The following PALM2AKAP2 variants were observed in gnomAD, a reference collection of about 807,000 sequenced individuals.
PALM2AKAP2 encodes the protein PALM2-AKAP2 fusion protein.
Under a neutral mutation model 71.5 loss-of-function variants are expected in PALM2AKAP2, and 37 were observed. That is an observed-to-expected ratio of 0.52 (90% CI 0.40 to 0.68). The LOEUF (loss-of-function observed/expected upper bound fraction) is 0.68. PALM2AKAP2 is among the 30% of genes least tolerant of loss of function. PALM2AKAP2 has a pLI of 0.00. For missense variants in PALM2AKAP2, 1,224 were observed against 1,191.8 expected, an observed-to-expected ratio of 1.03 and a Z score of -0.40; for synonymous variants, 468 against 478.8, an observed-to-expected ratio of 0.98 and a Z score of 0.29.
intron 1 of PALM2AKAP2, among the ~76,000 whole-genome samples, chr9:109,648,352 C>A (rs1325394544): frequency 7.9e-5 from 12 of 152,152 alleles, no homozygotes; most frequent in Admixed American, 7.9e-4. Flanking sequence ...GAACATAATT[C>A]TCTTAATTCA....
At chr9:110,093,018 C>T (rs1465972700) in intron 1 of PALM2AKAP2, among the ~76,000 whole-genome samples, 1 of 151,970 alleles carries the variant, frequency 6.6e-6, no homozygotes, top group African/African-American at 2.4e-5. Flanking sequence ...AGTGAGAGCT[C>T]CCCCTAGACC....
intron 3 of PALM2AKAP2, among the ~76,000 whole-genome samples, chr9:110,157,614 GTTC>G (rs1836491627): frequency 6.6e-6 from 1 of 152,084 alleles, no homozygotes; most frequent in Admixed American, 6.6e-5. Flanking sequence ...TGCTCAGACT[GTTC>G]TTCAACTCCT....
chr9:110,162,040 T>C, intron 3 of PALM2AKAP2, 54 bp from the exon 10 acceptor site: 1 of 1,601,524 alleles, frequency 6.2e-7, no homozygotes, highest in East Asian at 2.2e-5. Context: ...TAGGGGGTGT[T>C]CTGTAAGTGT....
intron 3 of PALM2AKAP2, among the ~76,000 whole-genome samples, chr9:110,158,271 T>G (rs1836508360): frequency 6.6e-6 from 1 of 152,242 alleles, no homozygotes; most frequent in Admixed American, 6.5e-5. Flanking sequence ...AGGTGTCTGG[T>G]TTCTTTTCTC....
chr9:110,022,688 A>G (rs1348305627), intron 7 of PALM2AKAP2, among the ~76,000 whole-genome samples: 1 of 151,750 alleles, frequency 6.6e-6, no homozygotes, highest in Non-Finnish European at 1.5e-5. Flanking sequence ...TTAACTTGTC[A>G]TTTAGCATTA....
At chr9:110,023,394 A>AACCTCT (rs1188441255) in intron 7 of PALM2AKAP2, among the ~76,000 whole-genome samples, 2 of 138,216 alleles carry the variant, frequency 1.4e-5, no homozygotes, top group African/African-American at 5.5e-5. Context: ...AGCTCACCAC[A>AACCTCT]ACCTCTACCT....
intron 1 of PALM2AKAP2, among the ~76,000 whole-genome samples, chr9:109,785,321 G>GTATATGCTAC (rs1826932030): frequency 6.6e-6 from 1 of 152,166 alleles, no homozygotes; most frequent in South Asian, 2.1e-4. Context: ...TGAAAACCTT[G>GTATATGCTAC]TATATGCTAC....
At chr9:109,898,068 C>G (rs995900511) in intron 3 of PALM2AKAP2, among the ~76,000 whole-genome samples, 3 of 152,122 alleles carry the variant, frequency 2.0e-5, no homozygotes, top group Admixed American at 2.0e-4. Context: ...CTTAACTGCT[C>G]TATGAAATCT....
intron 6 of PALM2AKAP2, among the ~76,000 whole-genome samples, chr9:109,985,898 C>T (rs1832368613): frequency 6.6e-6 from 1 of 152,128 alleles, no homozygotes; most frequent in South Asian, 2.1e-4. Flanking sequence ...GATCCCCCCA[C>T]CTTGGCCTCC....
At chr9:110,053,056 C>T (rs1833743603) in intron 1 of PALM2AKAP2, among the ~76,000 whole-genome samples, 1 of 152,068 alleles carries the variant, frequency 6.6e-6, no homozygotes, top group South Asian at 2.1e-4. Flanking sequence ...TTCCTTTTTC[C>T]TGTTGAGGTG....
At chr9:110,098,690 C>G (rs1188252548) in intron 1 of PALM2AKAP2, among the ~76,000 whole-genome samples, 1 of 152,166 alleles carries the variant, frequency 6.6e-6, no homozygotes, top group Non-Finnish European at 1.5e-5. Flanking sequence ...AAATGAAGAT[C>G]GCAATCCAGA....
At chr9:109,823,460 T>C (rs1450018355) in intron 1 of PALM2AKAP2, among the ~76,000 whole-genome samples, 1 of 152,230 alleles carries the variant, frequency 6.6e-6, no homozygotes, top group Non-Finnish European at 1.5e-5. Flanking sequence ...GTCTTTATTT[T>C]CTGTATAAAC....
chr9:110,029,448 C>T (rs1411443017), intron 7 of PALM2AKAP2, among the ~76,000 whole-genome samples: 4 of 152,160 alleles, frequency 2.6e-5, no homozygotes, highest in Non-Finnish European at 4.4e-5. Context: ...CATGGATATT[C>T]CCAGCAAAAG....
Position 109,923,684 on chromosome 9 carries a change from G to A in PALM2AKAP2, c.258-51G>A, listed in dbSNP as rs763878155. On this transcript the variant is annotated intron_variant, in intron 3 of 9. Coordinates refer to the PALM2AKAP2 transcript ENST00000302798. ...ACAGGAAGGAGCTGCTCTCTTGCCCGTGGATGGCAGGACAATAAAGTAACT... is the reference window on the plus strand; with the variant it reads ...ACAGGAAGGAGCTGCTCTCTTGCCCATGGATGGCAGGACAATAAAGTAACT... 5.0e-5 allele frequency: 76 copies of A among 1,523,806 alleles called. No homozygotes were observed. In the South Asian group the frequency reaches 8.3e-4, roughly 17 times the overall value. The allele number at this position is 1,523,806 out of a possible 1,614,324, so 94.4% of individuals were successfully genotyped here. A position where few individuals can be genotyped will look rare whatever the true frequency, so the allele number is the denominator to read the frequency against.
At chr9:109,827,139 G>A (rs1157848722) in intron 1 of PALM2AKAP2, among the ~76,000 whole-genome samples, 1 of 152,100 alleles carries the variant, frequency 6.6e-6, no homozygotes, top group Non-Finnish European at 1.5e-5. Context: ...ACTGCTATTC[G>A]GTGACAAAGC....
chr9:109,834,898 T>G (rs1428539220), intron 1 of PALM2AKAP2, among the ~76,000 whole-genome samples: 1 of 152,194 alleles, frequency 6.6e-6, no homozygotes, highest in East Asian at 1.9e-4. Flanking sequence ...TTTCGCTCAA[T>G]TCATCCCTTT....
At chr9:110,072,018 TTATTAACTCATTTTA>T (rs1300988399) in intron 1 of PALM2AKAP2, among the ~76,000 whole-genome samples, 1 of 152,216 alleles carries the variant, frequency 6.6e-6, no homozygotes, top group Non-Finnish European at 1.5e-5. Context: ...GTAGTTCATA[TTATTAACTCATTTTA>T]TTGGAATTTC....
In PALM2AKAP2 at chr9:110,136,236, A is replaced by G. The variant is rs1279535685; in HGVS notation, c.266A>G (p.Asn89Ser). ...AGCTCTCTTTCCCCAGATCACAAAAACATGGAAATTGAGGTGTCTGTTGCA... is the reference window on the plus strand; with the variant it reads ...AGCTCTCTTTCCCCAGATCACAAAAGCATGGAAATTGAGGTGTCTGTTGCA... The change falls in exon 2 of 4, where the codon AAC becomes AGC. Residue 89 changes from asparagine (N) to serine (S), a missense_variant. Physicochemically the swap from Asn to Ser is conservative, Grantham distance 46. Coordinates refer to ENST00000374525, the Ensembl canonical transcript of PALM2AKAP2. 6.2e-7 allele frequency: 1 copy of G among 1,614,080 alleles called. No homozygotes were observed. The highest frequency in any genetic ancestry group is 8.5e-7 in the Non-Finnish European group (1 of 1,180,040).
At chr9:110,090,404 C>T in intron 1 of PALM2AKAP2, 1 of 456,728 alleles carries the variant, frequency 2.2e-6, no homozygotes, top group Non-Finnish European at 4.4e-6. Flanking sequence ...GGATGCTGTT[C>T]TCTCTCTTCA....
Sources: allele counts gnomAD v4.1 joint callset (sites outside exome capture counted in the v4.1 genomes callset), GRCh38; gene constraint gnomAD v4.1.1; transcripts MANE v1.5; gene names NCBI Gene and HGNC (gene_info 2026-07-23, HGNC 2026-07-21).